SRRM4: variants seen among roughly 807,000 people sequenced by gnomAD.
The protein encoded by SRRM4 is serine/arginine repetitive matrix 4.
A neutral mutation model predicts 68.9 loss-of-function variants in SRRM4; 33 were observed. The ratio of observed to expected loss-of-function variants is 0.48; its 90% CI spans 0.36 to 0.64. SRRM4 has a LOEUF of 0.64. SRRM4 is among the 30% of genes least tolerant of loss of function. The pLI is 0.00. For synonymous variants in SRRM4, 318 were observed against 318.8 expected, an observed-to-expected ratio of 1.00 and a Z score of 0.03; for missense variants, 817 against 827.1, an observed-to-expected ratio of 0.99 and a Z score of 0.15.
In SRRM4 at chr12:119,009,295, CAATT is replaced by C. The variant is rs1401816292; in HGVS notation, c.131+27285_131+27288del. Reference sequence around the variant, plus strand: ...GGGAGGAGAGTAGGGGAGAGAAAGACAATTAAAGTAGAGAATCCGGGCCAAGAAA... The same window carrying C: ...GGGAGGAGAGTAGGGGAGAGAAAGACAAAGTAGAGAATCCGGGCCAAGAAA... On this transcript the variant is annotated intron_variant, in intron 1 of 12. Coordinates refer to ENST00000267260, the MANE Select transcript of SRRM4 (RefSeq NM_194286.4). 2.6e-5 allele frequency among the ~76,000 whole-genome samples: 4 copies of C among 152,070 alleles called. No individual in the cohort carries two copies. The East Asian group carries it at 7.8e-4, about 30-fold the overall frequency.
chr12:119,117,309 A>G (rs1260111694), intron 4 of SRRM4, among the ~76,000 whole-genome samples: 2 of 152,060 alleles, frequency 1.3e-5, no homozygotes, highest in African/African-American at 4.8e-5. Flanking sequence ...CCCACCTGGG[A>G]CCTGAAGTGC....
At chr12:119,066,727 C>T (rs1953848382) in intron 1 of SRRM4, among the ~76,000 whole-genome samples, 1 of 152,178 alleles carries the variant, frequency 6.6e-6, no homozygotes, top group Non-Finnish European at 1.5e-5. Flanking sequence ...AGAAGCATTG[C>T]CTGGAGTTAG....
intron 8 of SRRM4, among the ~76,000 whole-genome samples, chr12:119,134,366 G>A (rs1954315652): frequency 6.8e-6 from 1 of 148,050 alleles, no homozygotes; most frequent in Non-Finnish European, 1.5e-5. Context: ...AAGGTACTGG[G>A]GAGGCAGAGA....
At chr12:119,018,474 A>C (rs1046863082) in intron 1 of SRRM4, among the ~76,000 whole-genome samples, 19 of 152,128 alleles carry the variant, frequency 1.2e-4, no homozygotes, top group African/African-American at 4.3e-4. Flanking sequence ...TGTTTCAGCA[A>C]GTTGTTCCTT....
intron 9 of SRRM4, 57 bp from the exon 10 acceptor site, chr12:119,150,960 C>T (rs1244061095): frequency 1.9e-6 from 3 of 1,546,010 alleles, no homozygotes; most frequent in Non-Finnish European, 2.7e-6. Flanking sequence ...GGTATTCAAA[C>T]AAGATGCTCC....
At chr12:119,147,205 A>C (rs1280542153) in intron 9 of SRRM4, among the ~76,000 whole-genome samples, 1 of 152,212 alleles carries the variant, frequency 6.6e-6, no homozygotes, top group Non-Finnish European at 1.5e-5. Flanking sequence ...GAAAGAAGCC[A>C]ATGTGAAAAG....
intron 1 of SRRM4, among the ~76,000 whole-genome samples, chr12:119,077,966 C>A (rs1269344298): frequency 1.3e-5 from 2 of 152,238 alleles, no homozygotes; most frequent in Non-Finnish European, 2.9e-5. Flanking sequence ...AGTCACTTTG[C>A]CTCTCACTAG....
intron 1 of SRRM4, among the ~76,000 whole-genome samples, chr12:119,077,117 T>A (rs998961155): frequency 2.0e-5 from 3 of 152,142 alleles, no homozygotes; most frequent in Non-Finnish European, 4.4e-5. Context: ...TCCAAATCAG[T>A]TGAGTGATAA....
At position 119,125,380 on chromosome 12, in the gene SRRM4, G is replaced by A. The variant is rs1436761025; in HGVS notation, c.516-1G>A. 8.1e-6 allele frequency: 13 copies of A among 1,612,200 alleles called. No homozygotes were observed. Among genetic ancestry groups the A allele is most frequent in the South Asian group, 1.1e-5 (1 of 90,804 alleles). On this transcript the variant is annotated splice_acceptor_variant, in intron 6 of 12. Transcript: ENST00000267260. LOFTEE classifies it high-confidence loss of function. ...GACTCGTTCCTTCTCATCCCCCCAA[G>A]ATCTCGAAGCCGGCCCCGAAAGTCT... is the stretch of plus-strand genomic sequence containing the variant.
intron 1 of SRRM4, among the ~76,000 whole-genome samples, chr12:119,064,420 T>C (rs533325342): frequency 6.6e-6 from 1 of 152,258 alleles, no homozygotes; most frequent in East Asian, 1.9e-4. Flanking sequence ...TGCACACATA[T>C]AATTTTTTTT....
intron 1 of SRRM4, among the ~76,000 whole-genome samples, chr12:119,101,066 G>T (rs1032014328): frequency 3.9e-5 from 6 of 152,324 alleles, no homozygotes; most frequent in African/African-American, 1.2e-4. Flanking sequence ...GCCCTAAGGA[G>T]CAGGGGGCTT....
At position 119,160,151 on chromosome 12, in the gene SRRM4, A is replaced by G. The variant is rs1336710226; in HGVS notation, c.*3353A>G. On this transcript the variant is annotated 3_prime_UTR_variant, in exon 13 of 13. Transcript: ENST00000267260. ...AACATCCCTGGTTGTTTCCCTGGCA[A>G]TGTGACTATCCAGCCCTAACCCAAA... 6.6e-6 allele frequency: 1 copy of G among 152,176 alleles called. No homozygotes were observed. The highest frequency in any genetic ancestry group is 1.5e-5 in the Non-Finnish European group (1 of 68,024). 9.4% of individuals were successfully genotyped at this position (152,176 alleles called of 1,614,324 possible).
At chr12:119,111,286 A>G (rs1217355690) in intron 2 of SRRM4, among the ~76,000 whole-genome samples, 1 of 152,212 alleles carries the variant, frequency 6.6e-6, no homozygotes, top group Non-Finnish European at 1.5e-5. Flanking sequence ...GTACAAGTAG[A>G]ACTAGTGTAG....
At chr12:119,152,004 T>G (rs948413515) in intron 10 of SRRM4, among the ~76,000 whole-genome samples, 26 of 152,166 alleles carry the variant, frequency 1.7e-4, no homozygotes, top group African/African-American at 6.3e-4. Context: ...TATGGCCATT[T>G]TTGCATTCTG....
At chr12:119,006,811 C>T (rs138615639) in intron 1 of SRRM4, among the ~76,000 whole-genome samples, 29 of 152,348 alleles carry the variant, frequency 1.9e-4, no homozygotes, top group Admixed American at 7.8e-4. Flanking sequence ...GCTTCTATTG[C>T]CTGAAATGCC....
chr12:118,993,816 G>C (rs1439919725), intron 1 of SRRM4: 1 of 152,210 alleles, frequency 6.6e-6, no homozygotes, highest in African/African-American at 2.4e-5. Flanking sequence ...TAGGGCACTT[G>C]TGGGCTTTTG....
intron 1 of SRRM4, among the ~76,000 whole-genome samples, chr12:119,045,168 C>T (rs1420776936): frequency 6.6e-6 from 1 of 152,152 alleles, no homozygotes; most frequent in Non-Finnish European, 1.5e-5. Flanking sequence ...CCCACAGTCA[C>T]ATGCAGTTAG....
At chr12:119,113,730 T>G (rs886112528) in intron 2 of SRRM4, among the ~76,000 whole-genome samples, 1 of 152,234 alleles carries the variant, frequency 6.6e-6, no homozygotes, top group Non-Finnish European at 1.5e-5. Flanking sequence ...AGCCTCAGCA[T>G]TTGAATTTAA....
chr12:119,020,472 C>T (rs1012705283), intron 1 of SRRM4, among the ~76,000 whole-genome samples: 6 of 152,266 alleles, frequency 3.9e-5, no homozygotes, highest in African/African-American at 1.4e-4. Flanking sequence ...TGTTGGTAAA[C>T]CCAGTGGCCC....
Sources: gnomAD v4.1 joint callset for allele counts (sites outside exome capture counted in the v4.1 genomes callset) on GRCh38, gnomAD v4.1.1 for gene constraint, MANE v1.5 for transcripts, NCBI Gene and HGNC (gene_info 2026-07-23, HGNC 2026-07-21) for gene names.